SLC7A14: variants seen among roughly 807,000 people sequenced by gnomAD.
The protein encoded by SLC7A14 is solute carrier family 7 member 14.
A neutral mutation model predicts 60.2 loss-of-function variants in SLC7A14; 37 were observed. That is an observed-to-expected ratio of 0.61 (90% CI 0.47 to 0.81). The LOEUF is 0.81. SLC7A14 is among the 30% of genes least tolerant of loss of function. SLC7A14 has a pLI of 0.00. For synonymous variants in SLC7A14, 399 were observed against 395.8 expected, an observed-to-expected ratio of 1.01 and a Z score of -0.10; for missense variants, 886 against 982.7, an observed-to-expected ratio of 0.90 and a Z score of 1.32.
At chr3:170,569,965 C>A (rs1001923861) in intron 1 of SLC7A14, 1 of 152,206 alleles carries the variant, frequency 6.6e-6, no homozygotes, top group South Asian at 2.1e-4. Context: ...ATACCAGCTC[C>A]TGGATTCATT....
chr3:170,533,134 G>T (rs1713728754), intron 1 of SLC7A14, among the ~76,000 whole-genome samples: 2 of 152,170 alleles, frequency 1.3e-5, no homozygotes, highest in African/African-American at 4.8e-5. Flanking sequence ...GCTAGCATAA[G>T]CTTTGATGGT....
chr3:170,573,270 TA>T (rs1715000725), intron 1 of SLC7A14, among the ~76,000 whole-genome samples: 1 of 152,210 alleles, frequency 6.6e-6, no homozygotes, highest in Non-Finnish European at 1.5e-5. Context: ...TATTGATGGT[TA>T]ATCAGTGGCA....
intron 1 of SLC7A14, among the ~76,000 whole-genome samples, chr3:170,560,844 G>A (rs780943396): frequency 2.9e-4 from 44 of 152,028 alleles, no homozygotes; most frequent in African/African-American, 1.0e-3. Context: ...GCATTGCTTC[G>A]GTCACATATA....
intron 1 of SLC7A14, among the ~76,000 whole-genome samples, chr3:170,546,593 T>C (rs1426402218): frequency 6.6e-6 from 1 of 152,156 alleles, no homozygotes; most frequent in Non-Finnish European, 1.5e-5. Context: ...AAACCTAGCA[T>C]TGTACTTTTA....
rs533395790 is a variant in SLC7A14, at chr3:170,459,815, G to A, written c.*7240C>T. 17 of 152,000 alleles carry A rather than the reference G, an allele frequency of 1.1e-4. No homozygotes were observed. In the South Asian group the frequency reaches 2.9e-3, roughly 26 times the overall value. The allele number at this position is 152,000 out of a possible 1,614,324, so 9.4% of individuals were successfully genotyped here. ...TTCTTTCTTTTTTTTTGGTAGTCTC[G>A]TGTAAAAGCTTTACATTACTATGGA... On this transcript the variant is annotated 3_prime_UTR_variant, in exon 8 of 8. Coordinates refer to ENST00000231706, the MANE Select transcript of SLC7A14 (RefSeq NM_020949.3).
intron 4 of SLC7A14, chr3:170,496,278 C>A: frequency 1.0e-6 from 1 of 971,442 alleles, no homozygotes; most frequent in Non-Finnish European, 1.7e-6. Flanking sequence ...GAGCATGTAC[C>A]AGATCAAGTA....
rs1445580136 is a variant in SLC7A14 at position 170,562,500 on chromosome 3, G to C, written c.-153+23411C>G. Among the ~76,000 whole-genome samples, 4 of 142,028 alleles carry C rather than the reference G, an allele frequency of 2.8e-5. No individual in the cohort carries two copies. In the East Asian group the frequency reaches 9.9e-4, roughly 35 times the overall value. 93.2% of individuals were successfully genotyped at this position (142,028 alleles called of 152,430 possible). A position where few individuals can be genotyped will look rare whatever the true frequency, so the allele number is the denominator to read the frequency against. On this transcript the variant is annotated intron_variant, in intron 1 of 7. Transcript: ENST00000231706. Reference sequence around the variant, plus strand: ...TTTGGGGACTCAGTGGGGAGGGTGGGAAGGGGGTGAGGGATAAAAGACTAC... The same window carrying C: ...TTTGGGGACTCAGTGGGGAGGGTGGCAAGGGGGTGAGGGATAAAAGACTAC...
chr3:170,553,085 TGCCTTTTG>T lies in SLC7A14; in HGVS notation c.-152-26005_-152-25998del, dbSNP rs560629704. On this transcript the variant is annotated intron_variant, in intron 1 of 7. Coordinates refer to ENST00000231706, the MANE Select transcript of SLC7A14 (RefSeq NM_020949.3). The stretch of plus-strand genomic sequence containing the variant: ...GTGCCCTGCCTTGAGCTCCCCAAAG[TGCCTTTTG>T]GGGGGAGTTTCATTCCGGCATTTAT... Among the ~76,000 whole-genome samples, 615 of 152,262 alleles carry T rather than the reference TGCCTTTTG, an allele frequency of 4.0e-3. 4 individuals are homozygous for T. Among genetic ancestry groups the T allele is most frequent in the African/African-American group, 0.014 (594 of 41,550 alleles).
intron 4 of SLC7A14, among the ~76,000 whole-genome samples, chr3:170,497,087 C>CAAAAAAAAAAA (rs548290941): frequency 3.2e-5 from 3 of 94,262 alleles, no homozygotes; most frequent in Non-Finnish European, 4.2e-5. Flanking sequence ...TTATTTTGTC[C>CAAAAAAAAAAA]AAAAAAAAAA....
At chr3:170,494,376 C>T (rs1479614812) in intron 4 of SLC7A14, among the ~76,000 whole-genome samples, 3 of 152,180 alleles carry the variant, frequency 2.0e-5, no homozygotes, top group Non-Finnish European at 2.9e-5. Flanking sequence ...TTAGTGAGAA[C>T]CCAGGATGTA....
chr3:170,580,281 C>T (rs1385461026), intron 1 of SLC7A14, among the ~76,000 whole-genome samples: 1 of 152,210 alleles, frequency 6.6e-6, no homozygotes, highest in African/African-American at 2.4e-5. Flanking sequence ...TTCAAAGCTA[C>T]ATTGTCAGTT....
intron 3 of SLC7A14, among the ~76,000 whole-genome samples, chr3:170,499,458 A>T (rs1712535956): frequency 6.6e-6 from 1 of 152,088 alleles, no homozygotes; most frequent in South Asian, 2.1e-4. Flanking sequence ...AGCGCCTATG[A>T]AACCATGGCA....
At chr3:170,566,727 G>A (rs888137181) in intron 1 of SLC7A14, among the ~76,000 whole-genome samples, 13 of 151,878 alleles carry the variant, frequency 8.6e-5, no homozygotes, top group Admixed American at 6.6e-4. Flanking sequence ...CAGCCATTGA[G>A]CTTGTAATAA....
At chr3:170,470,364 G>A (rs748106324) in intron 7 of SLC7A14, among the ~76,000 whole-genome samples, 92 of 145,362 alleles carry the variant, frequency 6.3e-4, no homozygotes, top group Non-Finnish European at 8.9e-4. Context: ...GTGTCTGCGC[G>A]CTCTCACATA....
At chr3:170,519,640 G>T (rs1713283062) in intron 2 of SLC7A14, among the ~76,000 whole-genome samples, 1 of 152,194 alleles carries the variant, frequency 6.6e-6, no homozygotes, top group Non-Finnish European at 1.5e-5. Context: ...GCCAGGCATA[G>T]TGGTGGGTGC....
rs984733585 is a variant in SLC7A14 at position 170,466,950 on chromosome 3, G to A, written c.*105C>T. On this transcript the variant is annotated 3_prime_UTR_variant, in exon 8 of 8. Coordinates refer to ENST00000231706, the MANE Select transcript of SLC7A14 (RefSeq NM_020949.3). The stretch of plus-strand genomic sequence containing the variant: ...ATGACTAGGGATTGAATTTGGGGAA[G>A]GCTGGATTTGTGAAATGAGAGCCAA... 15 of 950,618 alleles carry A rather than the reference G, an allele frequency of 1.6e-5. No homozygotes were observed. The highest frequency in any genetic ancestry group is 2.2e-5 in the Non-Finnish European group (14 of 630,510). The allele number at this position is 950,618 out of a possible 1,614,324, so 58.9% of individuals were successfully genotyped here.
chr3:170,562,949 A>G (rs1270428249), intron 1 of SLC7A14, among the ~76,000 whole-genome samples: 2 of 151,990 alleles, frequency 1.3e-5, no homozygotes, highest in Non-Finnish European at 2.9e-5. Flanking sequence ...TTTAGTAGAG[A>G]TGGGGTTTTG....
At chr3:170,494,472 G>T (rs1343081664) in intron 4 of SLC7A14, among the ~76,000 whole-genome samples, 1 of 152,212 alleles carries the variant, frequency 6.6e-6, no homozygotes, top group Non-Finnish European at 1.5e-5. Context: ...GAGCCCCTGA[G>T]AAGGAAAGGG....
chr3:170,480,837 C>T lies in SLC7A14; in HGVS notation c.1445G>A (p.Gly482Glu). Residue 482 changes from glycine to glutamate, a missense_variant, in exon 7 of 8, where the codon GGG becomes GAG. Physicochemically the swap from Gly to Glu is moderately conservative, Grantham distance 98. Coordinates refer to ENST00000231706, the MANE Select transcript of SLC7A14 (RefSeq NM_020949.3). Reference sequence around the variant, plus strand: ...TCCCAAGGATGGTAAGTTCTTGGCCCCACATGTGTTGGTGGCTGGGCCAGA... The same window carrying T: ...TCCCAAGGATGGTAAGTTCTTGGCCTCACATGTGTTGGTGGCTGGGCCAGA... ...EFSGPATNTC[G>E]AKNLPSLGDN... 1 of 1,614,080 alleles carries T rather than the reference C, an allele frequency of 6.2e-7. No individual in the cohort carries two copies. Among genetic ancestry groups the T allele is most frequent in the Non-Finnish European group, 8.5e-7 (1 of 1,180,038 alleles).
Sources: allele counts gnomAD v4.1 joint callset (sites outside exome capture counted in the v4.1 genomes callset), GRCh38; gene constraint gnomAD v4.1.1; transcripts MANE v1.5; gene names NCBI Gene and HGNC (gene_info 2026-07-23, HGNC 2026-07-21).